The following ATRX variants were observed in gnomAD, a reference collection of about 807,000 sequenced individuals.
ATRX encodes the protein ATRX chromatin remodeler.
A neutral mutation model predicts 172.6 loss-of-function variants in ATRX; 12 were observed. The ratio of observed to expected loss-of-function variants is 0.07; its 90% CI spans 0.04 to 0.11. ATRX has a LOEUF of 0.11. Among genes scored for constraint, ATRX ranks in the 10% least tolerant of loss-of-function variants. The pLI is 1.00. For missense variants in ATRX, 1,368 were observed against 1,767.4 expected (o/e 0.77, Z 4.05); for synonymous variants, 674 against 594.7 (o/e 1.13, Z -1.94).
At chrX:77,551,448 G>A (rs1002971849) in intron 30 of ATRX, among the ~76,000 whole-genome samples, 8 of 111,667 alleles carry the variant, frequency 7.2e-5, no homozygotes, top group South Asian at 3.7e-4. Flanking sequence ...CCTTCCTTAC[G>A]CCTTATACAA....
chrX:77,668,869 G>A (rs1430453865), intron 10 of ATRX, among the ~76,000 whole-genome samples: 1 of 107,815 alleles, frequency 9.3e-6, no homozygotes, highest in Non-Finnish European at 1.9e-5. Context: ...AGAAAGCCAA[G>A]AAAGCCTTTA....
At chrX:77,750,302 T>A (rs782428527) in intron 1 of ATRX, among the ~76,000 whole-genome samples, 1 of 111,318 alleles carries the variant, frequency 9.0e-6, no homozygotes, top group Non-Finnish European at 1.9e-5. Context: ...TTGGAACTTA[T>A]CCCGTGTGAA....
intron 1 of ATRX, among the ~76,000 whole-genome samples, chrX:77,743,663 G>A (rs1313666396): frequency 9.0e-6 from 1 of 111,610 alleles, no homozygotes; most frequent in African/African-American, 3.3e-5. Flanking sequence ...CAAATGCAAA[G>A]TGCTTGGGAC....
chrX:77,731,624 C>A (rs1557176183), intron 1 of ATRX, among the ~76,000 whole-genome samples: 1 of 111,451 alleles, frequency 9.0e-6, no homozygotes, highest in African/African-American at 3.3e-5. Flanking sequence ...CTACAGCCTG[C>A]CCCGCCCCCA....
Position 77,690,547 on chromosome X carries a change from T to A in ATRX, c.485-1620A>T, listed in dbSNP as rs782273890. On this transcript the variant is annotated intron_variant, in intron 6 of 34. Transcript: ENST00000373344. ...GGCACAATTATAAATCACTGTAGCC[T>A]CAAACGCCTGAGTTCAAGCAATCCT... Among the ~76,000 whole-genome samples the A allele has an allele frequency of 4.5e-5, 5 of 111,529 alleles. No individual in the cohort carries two copies. The Admixed American group carries it at 4.8e-4, about 11-fold the overall frequency.
At chrX:77,679,970 T>C (rs2071096806) in intron 9 of ATRX, among the ~76,000 whole-genome samples, 1 of 111,990 alleles carries the variant, frequency 8.9e-6, no homozygotes, top group Non-Finnish European at 1.9e-5. Flanking sequence ...CCCTTATATA[T>C]AATTTTGAAA....
chrX:77,545,197 A>G (rs2064188631), intron 30 of ATRX, among the ~76,000 whole-genome samples: 1 of 112,565 alleles, frequency 8.9e-6, no homozygotes, highest in Admixed American at 9.5e-5. Context: ...TTAATTTTTC[A>G]TAATAACTCT....
At chrX:77,543,151 T>A (rs1404430041) in intron 30 of ATRX, among the ~76,000 whole-genome samples, 1 of 112,206 alleles carries the variant, frequency 8.9e-6, no homozygotes, top group African/African-American at 3.2e-5. Flanking sequence ...GGGCAAAGTA[T>A]ATGAACAGAC....
At chrX:77,774,868 G>A (rs781808817) in intron 1 of ATRX, among the ~76,000 whole-genome samples, 3 of 108,227 alleles carry the variant, frequency 2.8e-5, no homozygotes, top group Non-Finnish European at 5.7e-5. Flanking sequence ...GCTCCACACC[G>A]GCTAATTTAG....
rs122445106 is a variant in ATRX at position 77,633,660 on chromosome X, G to A, written c.4862C>T (p.Thr1621Met). 2 of 1,209,788 alleles carry A rather than the reference G, an allele frequency of 1.7e-6. No homozygotes were observed. The highest frequency in any genetic ancestry group is 2.2e-6 in the Non-Finnish European group (2 of 894,238). ...ATTAAGAGGACAAACCACTAACGCC[G>A]TGCTGAAATCCAGTTTGTCACACAA... ...VLLCDKLDFS[T>M]ALVVCPLNTA... Residue 1621 changes from threonine (T) to methionine (M), a missense_variant, in exon 18 of 35, where the codon ACG becomes ATG. This residue lies in a region of ATRX where 17 missense variants were observed against 22.8 expected (regional missense o/e 0.75). Transcript: ENST00000373344.
rs1382262819 is a variant in ATRX, at chrX:77,506,511, T to C, written c.*1840A>G. 7 of 173,941 alleles carry C rather than the reference T, an allele frequency of 4.0e-5. No individual in the cohort carries two copies. Among genetic ancestry groups the C allele is most frequent in the African/African-American group, 2.1e-4 (7 of 33,932 alleles). 14.3% of individuals were successfully genotyped at this position (173,941 alleles called of 1,213,427 possible). A position where few individuals can be genotyped will look rare whatever the true frequency, so the allele number is the denominator to read the frequency against. Reference sequence around the variant, plus strand: ...AATCAGGTTTAAAATATTCTGAACTTGTAGAAATACCAACTGGTAACAGTT... The same window carrying C: ...AATCAGGTTTAAAATATTCTGAACTCGTAGAAATACCAACTGGTAACAGTT... On this transcript the variant is annotated 3_prime_UTR_variant, in exon 35 of 35. Transcript: ENST00000373344.
At chrX:77,536,702 T>C (rs2063759961) in intron 30 of ATRX, among the ~76,000 whole-genome samples, 1 of 112,310 alleles carries the variant, frequency 8.9e-6, no homozygotes, top group Non-Finnish European at 1.9e-5. Context: ...CTACAATGGA[T>C]AATTTCATGA....
In ATRX at chrX:77,701,610, G is replaced by A. The variant is rs782481740; in HGVS notation, c.134-2981C>T. Among the ~76,000 whole-genome samples the A allele has an allele frequency of 9.9e-5, 11 of 110,937 alleles. No individual in the cohort carries two copies. The South Asian group carries it at 2.7e-3, about 27-fold the overall frequency. On this transcript the variant is annotated intron_variant, in intron 2 of 34. Transcript: ENST00000373344. ...GGTAGGTAATATCATACTTAATGGC[G>A]ACAGACTGAATGCTTTCCGAAACCC...
chrX:77,578,045 G>C (rs782321688), intron 27 of ATRX, among the ~76,000 whole-genome samples: 1 of 111,616 alleles, frequency 9.0e-6, no homozygotes, highest in Admixed American at 9.5e-5. Flanking sequence ...GCGGGAAGGA[G>C]AGTGCAGTGA....
chrX:77,581,423 T>C lies in ATRX; in HGVS notation c.6218-7065A>G, dbSNP rs782714218. Among the ~76,000 whole-genome samples the C allele has an allele frequency of 9.0e-5, 10 of 111,687 alleles. No individual in the cohort carries two copies. The South Asian group carries it at 1.1e-3, about 12-fold the overall frequency. On this transcript the variant is annotated intron_variant, in intron 27 of 34. Coordinates refer to ENST00000373344, the MANE Select transcript of ATRX (RefSeq NM_000489.6). ...AAGAGCAGGAACAGCTATACTTATA[T>C]AGGACAAAATAGATTTCAAGATAAA...
Position 77,509,591 on chromosome X carries a change from G to A in ATRX, c.7201-962C>T, listed in dbSNP as rs141848271. ...CCTCACTCATCCCCTGGCAGCAGCC[G>A]TGTGGCAGGGAGAGAGAATCTATGT... On this transcript the variant is annotated intron_variant, in intron 34 of 34. Coordinates refer to ENST00000373344, the MANE Select transcript of ATRX (RefSeq NM_000489.6). 5.4e-3 allele frequency among the ~76,000 whole-genome samples: 607 copies of A among 111,419 alleles called. 2 individuals are homozygous for A. The highest frequency in any genetic ancestry group is 0.018 in the African/African-American group (563 of 30,631).
chrX:77,773,151 C>A (rs782479833), intron 1 of ATRX, among the ~76,000 whole-genome samples: 1 of 100,009 alleles, frequency 1.0e-5, no homozygotes, highest in Admixed American at 1.1e-4. Context: ...GTTGGATGCA[C>A]TATAGTATAG....
intron 1 of ATRX, among the ~76,000 whole-genome samples, chrX:77,768,171 T>C (rs45524039): frequency 0.056 from 6,260 of 111,957 alleles, 164 homozygotes; most frequent in Middle Eastern, 0.088. Flanking sequence ...AAAGTTATTT[T>C]ATTTCATCAA....
intron 31 of ATRX, among the ~76,000 whole-genome samples, 186 bp downstream of exon 31, chrX:77,523,066 T>C (rs2063282237): frequency 9.0e-6 from 1 of 111,421 alleles, no homozygotes; most frequent in South Asian, 3.8e-4. Context: ...TTCTTCTGTC[T>C]TCTCCTCCTA....
Sources: gnomAD v4.1 joint callset for allele counts (sites outside exome capture counted in the v4.1 genomes callset) on GRCh38, gnomAD v4.1.1 for gene constraint, gnomAD v4.1.1 regional missense constraint, MANE v1.5 for transcripts, NCBI Gene and HGNC (gene_info 2026-07-23, HGNC 2026-07-21) for gene names.